C19orf47: variants seen among roughly 807,000 people sequenced by gnomAD.
The protein encoded by C19orf47 is uncharacterized protein C19orf47.
A neutral mutation model predicts 32.3 loss-of-function variants in C19orf47; 18 were observed. The observed-to-expected ratio is 0.56, with a 90% CI of 0.39 to 0.83. C19orf47 has a LOEUF of 0.83. C19orf47 is among the 40% of genes least tolerant of loss of function. The probability of loss-of-function intolerance (pLI) is 0.00; values close to 1 mark genes in which losing one functional copy is unlikely to be tolerated. For synonymous variants in C19orf47, 202 were observed against 211.1 expected, an observed-to-expected ratio of 0.96 and a Z score of 0.37; for missense variants, 484 against 531.6, an observed-to-expected ratio of 0.91 and a Z score of 0.88.
the C19orf47 span, among the ~76,000 whole-genome samples, chr19:40,304,787 G>A: frequency 6.6e-6 from 1 of 152,140 alleles, no homozygotes; most frequent in African/African-American, 2.4e-5. Flanking sequence ...ACCTAGAAGG[G>A]TACAGGGAAG....
rs1009440719 is a variant in C19orf47, at chr19:40,323,906, C to T, written c.663+100G>A. On this transcript the variant is annotated intron_variant, in intron 8 of 8. Transcript: ENST00000683109. Reference sequence around the variant, plus strand: ...AGGCTGGAAAGGCAGGTTAGACGGCCCTGGGCCGAGTGAGGTTGAGATGTG... The same window carrying T: ...AGGCTGGAAAGGCAGGTTAGACGGCTCTGGGCCGAGTGAGGTTGAGATGTG... 3.4e-6 allele frequency: 5 copies of T among 1,459,242 alleles called. No homozygotes were observed. In the African/African-American group the frequency reaches 5.6e-5, roughly 16 times the overall value. The allele number at this position is 1,459,242 out of a possible 1,614,324, so 90.4% of individuals were successfully genotyped here.
chr19:40,295,404 C>G, the C19orf47 span, among the ~76,000 whole-genome samples: 1 of 151,740 alleles, frequency 6.6e-6, no homozygotes, highest in South Asian at 2.1e-4. Flanking sequence ...TTAGAGACTC[C>G]TCTAACAAGA....
the C19orf47 span, among the ~76,000 whole-genome samples, chr19:40,310,339 C>T: frequency 6.6e-6 from 1 of 152,158 alleles, no homozygotes; most frequent in Non-Finnish European, 1.5e-5. Context: ...GAGTTCAAGA[C>T]CAGCCTGGGC....
chr19:40,348,309 C>CGGCCCGCGCCTCACCTGGCCCACCG lies in C19orf47; in HGVS notation c.-44_-34+14dup, dbSNP rs1568635755. Reference sequence around the variant, plus strand: ...GCAACCGGCCCAGTCCCACCACCCCCGGCCCGCGCCTCACCTGGCCCACCG... The same window carrying CGGCCCGCGCCTCACCTGGCCCACCG: ...GCAACCGGCCCAGTCCCACCACCCCCGGCCCGCGCCTCACCTGGCCCACCGGGCCCGCGCCTCACCTGGCCCACCG... On this transcript the variant is annotated intron_variant, in intron 1 of 8. Coordinates refer to ENST00000683109, the MANE Select transcript of C19orf47 (RefSeq NM_001256441.2). The CGGCCCGCGCCTCACCTGGCCCACCG allele has an allele frequency of 1.5e-6, 2 of 1,339,692 alleles. No individual in the cohort carries two copies. Among genetic ancestry groups the CGGCCCGCGCCTCACCTGGCCCACCG allele is most frequent in the Non-Finnish European group, 1.9e-6 (2 of 1,048,828 alleles). 83.0% of individuals were successfully genotyped at this position (1,339,692 alleles called of 1,614,324 possible).
At chr19:40,335,023 A>C in intron 4 of C19orf47, 1 of 96,604 alleles carries the variant, frequency 1.0e-5, no homozygotes, top group South Asian at 4.3e-4. Flanking sequence ...GGAAGGAGGA[A>C]GGGAAGGAGG....
chr19:40,332,107 C>T (rs2077966195), intron 5 of C19orf47, among the ~76,000 whole-genome samples: 1 of 152,086 alleles, frequency 6.6e-6, no homozygotes, highest in Non-Finnish European at 1.5e-5. Flanking sequence ...TGGCTCATGC[C>T]TGCACTTTGG....
downstream of C19orf47, among the ~76,000 whole-genome samples, chr19:40,314,636 C>T (rs914322764): frequency 3.3e-5 from 5 of 152,174 alleles, no homozygotes; most frequent in African/African-American, 1.2e-4. Context: ...GACACATTTC[C>T]TTTGCAGAAG....
At chr19:40,337,162 T>C (rs939061074) in intron 2 of C19orf47, among the ~76,000 whole-genome samples, 31 of 152,246 alleles carry the variant, frequency 2.0e-4, no homozygotes, top group Admixed American at 1.4e-3. Context: ...CCAGCCCTTG[T>C]GGAGCTGAGA....
chr19:40,342,286 G>A (rs2078192566), intron 1 of C19orf47: 2 of 217,338 alleles, frequency 9.2e-6, no homozygotes, highest in East Asian at 2.6e-4. Flanking sequence ...AGGAGTTCAA[G>A]ACCAGCCTGG....
In C19orf47 at chr19:40,328,484, G is replaced by T; in HGVS notation, c.368C>A (p.Pro123Gln). Residue 123 changes from proline to glutamine, a missense_variant, in exon 6 of 9, where the codon CCG (proline) becomes CAG (glutamine). Around this residue, in one of 3 missense-constraint regions of C19orf47, gnomAD observed 376 missense variants for 370.2 expected, o/e 1.02. Coordinates refer to ENST00000683109, the MANE Select transcript of C19orf47 (RefSeq NM_001256441.2). Reference sequence around the variant, plus strand: ...CGAGATCTTGGAGGTGCTGGTGTCCGGGCGCCTGGGGGGTGTGCTGGGTGG... The same window carrying T: ...CGAGATCTTGGAGGTGCTGGTGTCCTGGCGCCTGGGGGGTGTGCTGGGTGG... The part of the protein sequence containing the change: ...DSPPSTPPRR[P>Q]DTSTSKISVT... 6.2e-7 allele frequency: 1 copy of T among 1,612,110 alleles called. No individual in the cohort carries two copies.
At chr19:40,328,226 T>C (rs1271780887) in intron 6 of C19orf47, among the ~76,000 whole-genome samples, 187 bp downstream of exon 6, 1 of 152,018 alleles carries the variant, frequency 6.6e-6, no homozygotes. Context: ...ATGCTACAGA[T>C]GAAGAAAGTG....
intron 2 of C19orf47, among the ~76,000 whole-genome samples, chr19:40,338,262 T>TACAC (rs751604490): frequency 1.2e-5 from 1 of 82,834 alleles, no homozygotes; most frequent in Non-Finnish European, 2.8e-5. Context: ...TATATACATA[T>TACAC]ATATACACAC....
chr19:40,325,126 T>C (rs2077802169), intron 7 of C19orf47, among the ~76,000 whole-genome samples: 1 of 151,594 alleles, frequency 6.6e-6, no homozygotes, highest in African/African-American at 2.4e-5. Context: ...AAAAATTAGC[T>C]GGGCACGGTG....
intron 2 of C19orf47, among the ~76,000 whole-genome samples, chr19:40,341,590 C>T (rs926727341): frequency 7.9e-5 from 12 of 152,122 alleles, no homozygotes; most frequent in South Asian, 2.1e-4. Context: ...TGTGAGGCCA[C>T]GTGGGAGACC....
chr19:40,328,571 T>C, intron 5 of C19orf47, 21 bp from the exon 6 acceptor site: 1 of 1,588,684 alleles, frequency 6.3e-7, no homozygotes, highest in South Asian at 1.1e-5. Flanking sequence ...AAAAGGAGAG[T>C]CCGGTCGGGT....
chr19:40,321,860 C>T lies in C19orf47; in HGVS notation c.*22G>A. On this transcript the variant is annotated 3_prime_UTR_variant, in exon 9 of 9. Coordinates refer to ENST00000683109, the MANE Select transcript of C19orf47 (RefSeq NM_001256441.2). ...GGCAGATGCCCGCAGGCTCTGCTGC[C>T]TGCACCCCGCCCACAGGTGGGCTAG... is the stretch of plus-strand genomic sequence containing the variant. The T allele has an allele frequency of 6.5e-7, 1 of 1,538,032 alleles. No homozygotes were observed. Among genetic ancestry groups the T allele is most frequent in the Non-Finnish European group, 8.7e-7 (1 of 1,144,412 alleles).
chr19:40,336,290 C>T (rs2078064221), intron 3 of C19orf47, 30 bp downstream of exon 3: 1 of 1,613,890 alleles, frequency 6.2e-7, no homozygotes, highest in Non-Finnish European at 8.5e-7. Context: ...CAGCTCCCCA[C>T]CACCCCATCC....
downstream of C19orf47, among the ~76,000 whole-genome samples, chr19:40,317,989 G>T (rs565560250): frequency 6.6e-6 from 1 of 152,144 alleles, no homozygotes; most frequent in Admixed American, 6.5e-5. Context: ...CAAAGTGCTG[G>T]GATTACAGGC....
chr19:40,297,108 T>G, the C19orf47 span, among the ~76,000 whole-genome samples: 1 of 152,198 alleles, frequency 6.6e-6, no homozygotes, highest in Non-Finnish European at 1.5e-5. Flanking sequence ...ACATCTTTGG[T>G]AAATAAAACT....
Sources: gnomAD v4.1 joint callset for allele counts (sites outside exome capture counted in the v4.1 genomes callset) on GRCh38, gnomAD v4.1.1 for gene constraint, gnomAD v4.1.1 regional missense constraint, MANE v1.5 for transcripts, NCBI Gene and HGNC (gene_info 2026-07-23, HGNC 2026-07-21) for gene names.